Variants in CNGB1 observed in about 807,000 individuals in gnomAD.
CNGB1 encodes the protein cyclic nucleotide-gated channel beta-1.
In CNGB1, 126 loss-of-function variants were observed where a neutral mutation model predicts 151.7. The ratio of observed to expected loss-of-function variants is 0.83; its 90% CI spans 0.72 to 0.96. The LOEUF (loss-of-function observed/expected upper bound fraction) is 0.96. Ranked by LOEUF, CNGB1 falls within the 40% of genes least tolerant of loss-of-function variation. The pLI is 0.00. For synonymous variants in CNGB1, 623 were observed against 635.1 expected, an observed-to-expected ratio of 0.98 and a Z score of 0.29; for missense variants, 1,698 against 1,627.0, an observed-to-expected ratio of 1.04 and a Z score of -0.75.
At chr16:57,904,059 G>T in intron 26 of CNGB1, 78 bp from the exon 27 acceptor site, 1 of 1,395,240 alleles carries the variant, frequency 7.2e-7, no homozygotes, top group Non-Finnish European at 1.0e-6. Flanking sequence ...TTTGGGATGT[G>T]TCACTTCACA....
intron 32 of CNGB1, 65 bp downstream of exon 32, chr16:57,887,790 C>A: frequency 6.8e-7 from 1 of 1,474,286 alleles, no homozygotes. Flanking sequence ...CTCTTGGAGA[C>A]CCCTTGGCCT....
At chr16:57,892,620 C>T (rs1445118027) in intron 31 of CNGB1, among the ~76,000 whole-genome samples, 2 of 151,868 alleles carry the variant, frequency 1.3e-5, no homozygotes, top group East Asian at 1.9e-4. Flanking sequence ...CTGTGTAAAA[C>T]TCTCCATGGC....
chr16:57,907,706 G>A (rs1416014209), intron 25 of CNGB1, among the ~76,000 whole-genome samples: 1 of 152,184 alleles, frequency 6.6e-6, no homozygotes, highest in African/African-American at 2.4e-5. Flanking sequence ...CTTGTGATGG[G>A]TTAGATGAAT....
intron 12 of CNGB1, chr16:57,954,771 C>A: frequency 1.0e-6 from 1 of 989,134 alleles, no homozygotes; most frequent in Non-Finnish European, 1.2e-6. Context: ...TGTGGCCAGG[C>A]CTAGGGAGAA....
At chr16:57,911,997 A>G (rs1208750194) in intron 24 of CNGB1, 122 bp from the exon 25 acceptor site, 1 of 1,344,980 alleles carries the variant, frequency 7.4e-7, no homozygotes, top group Non-Finnish European at 1.0e-6. Context: ...TTGAGATTGC[A>G]CCAGTTAGGA....
intron 24 of CNGB1, 166 bp from the exon 25 acceptor site, chr16:57,912,041 TG>T: frequency 1.2e-6 from 1 of 842,188 alleles, no homozygotes; most frequent in Non-Finnish European, 1.9e-6. Context: ...TGTCATGACC[TG>T]GGGCTAGGAT....
rs374813501 is a variant in CNGB1 at position 57,901,344 on chromosome 16, C to G, written c.2976+8G>C. On this transcript the variant is annotated splice_region_variant and intron_variant, in intron 29 of 32. Coordinates refer to ENST00000251102, the MANE Select transcript of CNGB1 (RefSeq NM_001297.5). ...CCAGATCCCGTGGTGGCTGCCAGGC[C>G]AGCTCACCTTCTTGCACACATAGTC... is the stretch of plus-strand genomic sequence containing the variant. The G allele has an allele frequency of 1.1e-4, 170 of 1,613,862 alleles. 1 individual carries two copies. The East Asian group carries it at 2.3e-3, about 22-fold the overall frequency.
chr16:57,956,956 A>C (rs152140), intron 12 of CNGB1, among the ~76,000 whole-genome samples: 56,649 of 152,046 alleles, frequency 0.37, 12,672 homozygotes, highest in Non-Finnish European at 0.5. Flanking sequence ...TCTCCCAGTG[A>C]GACCCCACCC....
At chr16:57,900,413 C>G (rs1426938687) in intron 29 of CNGB1, among the ~76,000 whole-genome samples, 1 of 152,140 alleles carries the variant, frequency 6.6e-6, no homozygotes, top group Non-Finnish European at 1.5e-5. Flanking sequence ...GGTAATGTTT[C>G]CCCCCGTATG....
intron 2 of CNGB1, among the ~76,000 whole-genome samples, 174 bp downstream of exon 2, chr16:57,966,954 A>C (rs1007361246): frequency 3.3e-5 from 5 of 152,142 alleles, no homozygotes; most frequent in Non-Finnish European, 7.4e-5. Flanking sequence ...AGCCCTACCC[A>C]CTGTCTGAAC....
chr16:57,966,450 T>C (rs1454816520), intron 2 of CNGB1, among the ~76,000 whole-genome samples: 4 of 152,260 alleles, frequency 2.6e-5, no homozygotes, highest in Non-Finnish European at 4.4e-5. Context: ...GAGGAAAAGT[T>C]CTGGAGAAAT....
intron 32 of CNGB1, among the ~76,000 whole-genome samples, chr16:57,887,505 T>A (rs1959964542): frequency 6.6e-6 from 1 of 151,986 alleles, no homozygotes; most frequent in Admixed American, 6.6e-5. Flanking sequence ...GGAGTTGCTA[T>A]GCCAGGAGGA....
At chr16:57,964,292 A>G in intron 3 of CNGB1, 90 bp from the exon 4 acceptor site, 1 of 1,453,312 alleles carries the variant, frequency 6.9e-7, no homozygotes, top group South Asian at 1.2e-5. Context: ...GGGAGAGGAG[A>G]GAGACCCCCA....
chr16:57,887,866 A>G lies in CNGB1; in HGVS notation c.3451T>C (p.Leu1151=). The G allele has an allele frequency of 6.2e-7, 1 of 1,613,924 alleles. No homozygotes were observed. The highest frequency in any genetic ancestry group is 1.7e-4 in the Middle Eastern group (1 of 6,048). ...CCCAACCACATTACCTGTTCCACCA[A>G]CTCTTGCTGCTTTGCAGCCGCCTCC... ...ALEAAAKQQE[L]VEQAKSSQDV... Residue 1151 remains leucine (L), a synonymous_variant, in exon 32 of 33, where the codon TTG becomes CTG. Coordinates refer to ENST00000251102, the MANE Select transcript of CNGB1 (RefSeq NM_001297.5).
Position 57,950,557 on chromosome 16 carries a change from A to G in CNGB1, c.875-17T>C, listed in dbSNP as rs1321078951. Reference sequence around the variant, plus strand: ...GGATGCTGACTGCAGGGAACACAGGAAGAGCCATTTATGGGATGTGCGGGA... The same window carrying G: ...GGATGCTGACTGCAGGGAACACAGGGAGAGCCATTTATGGGATGTGCGGGA... On this transcript the variant is annotated splice_polypyrimidine_tract_variant and intron_variant, in intron 12 of 32. Transcript: ENST00000251102. 6.2e-7 allele frequency: 1 copy of G among 1,613,932 alleles called. No individual in the cohort carries two copies. Among genetic ancestry groups the G allele is most frequent in the Non-Finnish European group, 8.5e-7 (1 of 1,179,912 alleles).
chr16:57,917,981 A>C (rs1960923857), intron 20 of CNGB1, among the ~76,000 whole-genome samples: 1 of 152,084 alleles, frequency 6.6e-6, no homozygotes, highest in African/African-American at 2.4e-5. Context: ...CTCAGTAAAT[A>C]CAGAATAGTA....
chr16:57,901,736 G>A (rs565387326), intron 27 of CNGB1, 111 bp from the exon 28 acceptor site: 12 of 817,584 alleles, frequency 1.5e-5, no homozygotes, highest in East Asian at 2.6e-5. Flanking sequence ...TTGCCCTGCC[G>A]CATGGAACCA....
At chr16:57,912,789 A>T in intron 24 of CNGB1, 141 bp downstream of exon 24, 4 of 796,556 alleles carry the variant, frequency 5.0e-6, no homozygotes, top group Non-Finnish European at 8.3e-6. Flanking sequence ...GTGTGCATGT[A>T]TGTGTGTATG....
chr16:57,915,983 G>A (rs1176345410), intron 22 of CNGB1, 146 bp downstream of exon 22: 2 of 797,804 alleles, frequency 2.5e-6, no homozygotes, highest in Admixed American at 1.7e-5. Flanking sequence ...CCTGGGGCTT[G>A]TGGTTTGGAG....
Sources: allele counts gnomAD v4.1 joint callset (sites outside exome capture counted in the v4.1 genomes callset), GRCh38; gene constraint gnomAD v4.1.1; transcripts MANE v1.5; gene names NCBI Gene and HGNC (gene_info 2026-07-23, HGNC 2026-07-21).